NTRK2: variants seen among roughly 807,000 people sequenced by gnomAD.
NTRK2 encodes the protein neurotrophic receptor tyrosine kinase 2, also known as BDNF/NT-3 growth factors receptor.
NTRK2 carries 13 observed loss-of-function variants against 94.5 expected under a neutral mutation model. That is an observed-to-expected ratio of 0.14 (90% CI 0.09 to 0.22). NTRK2 has a LOEUF of 0.22. NTRK2 is among the 10% of genes least tolerant of loss of function. The pLI is 1.00. For synonymous variants in NTRK2, 372 were observed against 407.4 expected (o/e 0.91, Z 1.05); for missense variants, 639 against 1,071.2 (o/e 0.60, Z 5.63).
At position 84,985,426 on chromosome 9, in the gene NTRK2, C is replaced by A. The variant is rs567693988; in HGVS notation, c.2172+29909C>A. Among the ~76,000 whole-genome samples, 6 of 152,314 alleles carry A rather than the reference C, an allele frequency of 3.9e-5. No homozygotes were observed. In the East Asian group the frequency reaches 1.2e-3, roughly 29 times the overall value. On this transcript the variant is annotated intron_variant, in intron 17 of 18. Coordinates refer to ENST00000277120, the MANE Select transcript of NTRK2 (RefSeq NM_006180.6). ...GTCAAGGAAAAAAGCTCTGTTTATA[C>A]TTTCACACCATCAATACATGCTGAA...
At chr9:84,862,315 C>T (rs934197253) in intron 13 of NTRK2, among the ~76,000 whole-genome samples, 19 of 152,152 alleles carry the variant, frequency 1.2e-4, no homozygotes, top group Non-Finnish European at 2.2e-4. Context: ...TTCTGTTTTA[C>T]GGGTTTGATG....
chr9:84,986,151 C>T (rs2133271441), intron 17 of NTRK2, among the ~76,000 whole-genome samples: 1 of 152,244 alleles, frequency 6.6e-6, no homozygotes, highest in South Asian at 2.1e-4. Context: ...CTTTCACAAA[C>T]AGCCCCCAAA....
rs1481720312 is a variant in NTRK2, at chr9:84,720,101, G to A, written c.584-3472G>A. Among the ~76,000 whole-genome samples the A allele has an allele frequency of 3.3e-5, 5 of 151,044 alleles. No individual in the cohort carries two copies. The South Asian group carries it at 6.4e-4, about 19-fold the overall frequency. ...AGCTGAAAAAGCAGATGGTTGAGTA[G>A]TAACTGACTTAAAGGGTGAGAATAC... On this transcript the variant is annotated intron_variant, in intron 6 of 18. Coordinates refer to ENST00000277120, the MANE Select transcript of NTRK2 (RefSeq NM_006180.6).
chr9:84,886,519 A>G (rs7875515), intron 14 of NTRK2, among the ~76,000 whole-genome samples: 7,950 of 152,262 alleles, frequency 0.052, 476 homozygotes, highest in East Asian at 0.19. Flanking sequence ...CCCTGATCTA[A>G]CCTGGGGCCT....
Position 85,025,146 on chromosome 9 carries a change from C to G in NTRK2, c.*3709C>G, listed in dbSNP as rs1275038483. The G allele has an allele frequency of 4.3e-6, 1 of 233,080 alleles. No individual in the cohort carries two copies. The highest frequency in any genetic ancestry group is 8.5e-6 in the Non-Finnish European group (1 of 117,994). 14.4% of individuals were successfully genotyped at this position (233,080 alleles called of 1,614,324 possible). On this transcript the variant is annotated 3_prime_UTR_variant, in exon 19 of 19. Transcript: ENST00000277120. Reference sequence around the variant, plus strand: ...TCACACTTTTCAACTCTGTGCAGTACTGCATGGGTGGAAGACATATTTAAG... The same window carrying G: ...TCACACTTTTCAACTCTGTGCAGTAGTGCATGGGTGGAAGACATATTTAAG...
At chr9:84,671,006 C>A (rs201573326) in intron 2 of NTRK2, 46 bp downstream of exon 2, 4 of 1,571,864 alleles carry the variant, frequency 2.5e-6, no homozygotes, top group Non-Finnish European at 3.5e-6. Context: ...GCCCCTAGGG[C>A]CCGAGCTGGC....
At chr9:84,878,208 A>G (rs752281807) in intron 14 of NTRK2, among the ~76,000 whole-genome samples, 1 of 152,252 alleles carries the variant, frequency 6.6e-6, no homozygotes, top group Non-Finnish European at 1.5e-5. Context: ...GATAAAAAAG[A>G]ATGCAAAAGA....
chr9:84,876,900 T>C, intron 14 of NTRK2: 1 of 1,062,074 alleles, frequency 9.4e-7, no homozygotes, highest in Non-Finnish European at 1.1e-6. Context: ...ATTCCTCTTT[T>C]TACATGTGAG....
At chr9:85,000,551 T>G in intron 17 of NTRK2, among the ~76,000 whole-genome samples, 1 of 152,226 alleles carries the variant, frequency 6.6e-6, no homozygotes, top group South Asian at 2.1e-4. Flanking sequence ...TTTTACTTAA[T>G]AATAGGCATT....
At chr9:85,001,503 A>G (rs1473606056) in intron 17 of NTRK2, among the ~76,000 whole-genome samples, 1 of 152,188 alleles carries the variant, frequency 6.6e-6, no homozygotes, top group Admixed American at 6.5e-5. Flanking sequence ...CAAATGCACA[A>G]TGAGGTCCCA....
chr9:84,939,544 G>C (rs1293453785), intron 15 of NTRK2, among the ~76,000 whole-genome samples: 1 of 152,186 alleles, frequency 6.6e-6, no homozygotes, highest in Non-Finnish European at 1.5e-5. Flanking sequence ...GGAAGGATGG[G>C]AGACATGTTC....
intron 12 of NTRK2, chr9:84,811,121 G>A: frequency 9.4e-7 from 1 of 1,067,060 alleles, no homozygotes; most frequent in Non-Finnish European, 1.1e-6. Context: ...CTATAACACA[G>A]TGACTAAAAG....
At chr9:84,973,948 A>T (rs973179261) in intron 17 of NTRK2, among the ~76,000 whole-genome samples, 15 of 151,538 alleles carry the variant, frequency 9.9e-5, no homozygotes, top group African/African-American at 3.6e-4. Context: ...GGTATTTTTT[A>T]AAGTTTATTT....
chr9:84,743,347 AT>A (rs1409398208), intron 10 of NTRK2, among the ~76,000 whole-genome samples: 1 of 152,138 alleles, frequency 6.6e-6, no homozygotes, highest in Non-Finnish European at 1.5e-5. Context: ...ATTTATATAT[AT>A]TGATTGATAT....
chr9:84,776,976 T>C (rs1230437121), intron 12 of NTRK2, among the ~76,000 whole-genome samples: 1 of 152,230 alleles, frequency 6.6e-6, no homozygotes, highest in Non-Finnish European at 1.5e-5. Context: ...AACTGTCTCC[T>C]CCTAATAGGT....
intron 2 of NTRK2, among the ~76,000 whole-genome samples, chr9:84,677,666 G>A (rs1322079649): frequency 6.6e-6 from 1 of 152,168 alleles, no homozygotes; most frequent in Non-Finnish European, 1.5e-5. Context: ...GTCTCATTTA[G>A]GGCTCTGTCT....
intron 12 of NTRK2, chr9:84,811,182 G>T (rs1380467478): frequency 3.8e-6 from 4 of 1,062,060 alleles, no homozygotes; most frequent in Non-Finnish European, 4.6e-6. Flanking sequence ...ATTATTAAAA[G>T]GTTATTTCCT....
At chr9:84,876,087 A>C in intron 14 of NTRK2, 1 of 1,033,220 alleles carries the variant, frequency 9.7e-7, no homozygotes, top group South Asian at 4.6e-5. Context: ...TGTTACTATT[A>C]ATTAACACAT....
At chr9:84,852,923 A>G (rs1286075991) in intron 12 of NTRK2, among the ~76,000 whole-genome samples, 1 of 152,144 alleles carries the variant, frequency 6.6e-6, no homozygotes, top group Non-Finnish European at 1.5e-5. Flanking sequence ...TTAATTTTCA[A>G]ATTAAAGCAA....
Sources: gnomAD v4.1 joint callset for allele counts (sites outside exome capture counted in the v4.1 genomes callset) on GRCh38, gnomAD v4.1.1 for gene constraint, MANE v1.5 for transcripts, NCBI Gene and HGNC (gene_info 2026-07-23, HGNC 2026-07-21) for gene names.